Variants in PTPRQ observed in about 807,000 individuals in gnomAD.
PTPRQ encodes the protein protein tyrosine phosphatase receptor type Q.
PTPRQ carries 199 observed loss-of-function variants against 246.0 expected under a neutral mutation model. That is an observed-to-expected ratio of 0.81 (90% CI 0.72 to 0.91). The LOEUF (loss-of-function observed/expected upper bound fraction) is 0.91. PTPRQ is among the 40% of genes least tolerant of loss of function. The probability of loss-of-function intolerance (pLI) is 0.00; values close to 1 mark genes in which losing one functional copy is unlikely to be tolerated. For missense variants in PTPRQ, 2,624 were observed against 2,528.4 expected, an observed-to-expected ratio of 1.04 and a Z score of -0.81; for synonymous variants, 869 against 853.2, an observed-to-expected ratio of 1.02 and a Z score of -0.32.
intron 25 of PTPRQ, among the ~76,000 whole-genome samples, chr12:80,587,779 ATACCTAGGGAAGTACT>A (rs1173064524): frequency 6.6e-6 from 1 of 152,194 alleles, no homozygotes; most frequent in Non-Finnish European, 1.5e-5. Flanking sequence ...AACTCAAACC[ATACCTAGGGAAGTACT>A]TAGGATGATA....
intron 35 of PTPRQ, among the ~76,000 whole-genome samples, chr12:80,647,277 AT>A (rs1900107235): frequency 6.6e-6 from 1 of 152,208 alleles, no homozygotes; most frequent in South Asian, 2.1e-4. Context: ...TATAAAAGTT[AT>A]TTCCACAAAG....
intron 14 of PTPRQ, among the ~76,000 whole-genome samples, chr12:80,504,584 G>A (rs1280470509): frequency 6.6e-6 from 1 of 151,702 alleles, no homozygotes; most frequent in Non-Finnish European, 1.5e-5. Context: ...GATTTTATCA[G>A]TGAGCTCATA....
chr12:80,452,447 T>C (rs564585313), intron 3 of PTPRQ, among the ~76,000 whole-genome samples: 1 of 152,358 alleles, frequency 6.6e-6, no homozygotes, highest in African/African-American at 2.4e-5. Flanking sequence ...GTTGATGCAG[T>C]TTCTTCCTAG....
At chr12:80,521,455 G>C (rs564636521) in intron 17 of PTPRQ, among the ~76,000 whole-genome samples, 78 of 152,228 alleles carry the variant, frequency 5.1e-4, no homozygotes, top group African/African-American at 1.3e-3. Context: ...TGTCCTGAAT[G>C]GTATTGCTTA....
chr12:80,591,454 C>G (rs766729749), intron 26 of PTPRQ, among the ~76,000 whole-genome samples: 5 of 152,006 alleles, frequency 3.3e-5, no homozygotes, highest in African/African-American at 4.8e-5. Flanking sequence ...TAGAATAGTT[C>G]CCAGTACCAG....
chr12:80,478,422 G>A (rs1399637985), intron 8 of PTPRQ, among the ~76,000 whole-genome samples: 1 of 151,958 alleles, frequency 6.6e-6, no homozygotes, highest in Admixed American at 6.6e-5. Flanking sequence ...AAACCACAAA[G>A]ATGGGGAAAA....
At chr12:80,611,627 A>G (rs1448481282) in intron 28 of PTPRQ, among the ~76,000 whole-genome samples, 3 of 150,306 alleles carry the variant, frequency 2.0e-5, no homozygotes, top group African/African-American at 4.9e-5. Flanking sequence ...TTGTTTGTCA[A>G]ATCTTAATGT....
chr12:80,573,696 T>C (rs1302227777), intron 25 of PTPRQ, among the ~76,000 whole-genome samples: 3 of 152,178 alleles, frequency 2.0e-5, no homozygotes, highest in Non-Finnish European at 4.4e-5. Context: ...TAATCTGCAG[T>C]GATATTCCTG....
At chr12:80,552,413 A>G (rs1896502005) in intron 25 of PTPRQ, among the ~76,000 whole-genome samples, 1 of 151,888 alleles carries the variant, frequency 6.6e-6, no homozygotes, top group African/African-American at 2.4e-5. Context: ...CATATCTGAA[A>G]TAAATGAGAG....
chr12:80,626,669 C>T (rs1026693928), intron 33 of PTPRQ, among the ~76,000 whole-genome samples: 8 of 152,140 alleles, frequency 5.3e-5, no homozygotes, highest in Non-Finnish European at 1.2e-4. Context: ...GCAGCGTGAC[C>T]TCAGTCAGTG....
At chr12:80,631,019 T>A (rs780169392) in intron 33 of PTPRQ, among the ~76,000 whole-genome samples, 9 of 152,182 alleles carry the variant, frequency 5.9e-5, no homozygotes, top group Non-Finnish European at 1.0e-4. Context: ...CAGCCCTGTT[T>A]ATTAATTTCT....
At chr12:80,558,060 T>C (rs1195426158) in intron 25 of PTPRQ, among the ~76,000 whole-genome samples, 1 of 151,112 alleles carries the variant, frequency 6.6e-6, no homozygotes, top group Non-Finnish European at 1.5e-5. Flanking sequence ...CCTTCCTCCC[T>C]TCCTTCCCTT....
In PTPRQ at chr12:80,678,740, C is replaced by T. The variant is rs1297570908; in HGVS notation, c.6862+15C>T. ...CGCCATGGAAGGTAAACAGAAACAA[C>T]AGTATATGCCCAGCTTACTAGTTTA... On this transcript the variant is annotated intron_variant, in intron 44 of 44. Coordinates refer to ENST00000644991, the MANE Select transcript of PTPRQ (RefSeq NM_001145026.2). 9 of 1,544,728 alleles carry T rather than the reference C, an allele frequency of 5.8e-6. No individual in the cohort carries two copies. The highest frequency in any genetic ancestry group is 5.5e-5 in the African/African-American group (4 of 72,780).
At chr12:80,560,664 A>G in intron 25 of PTPRQ, among the ~76,000 whole-genome samples, 1 of 152,226 alleles carries the variant, frequency 6.6e-6, no homozygotes, top group East Asian at 1.9e-4. Context: ...TACAACACAG[A>G]TACTCTTACA....
chr12:80,630,248 C>G (rs1415366872), intron 33 of PTPRQ, among the ~76,000 whole-genome samples: 2 of 151,942 alleles, frequency 1.3e-5, no homozygotes, highest in Admixed American at 1.3e-4. Flanking sequence ...TTTCCTTCCC[C>G]CCTATGTCAT....
chr12:80,486,966 T>A (rs1219400371), intron 9 of PTPRQ, among the ~76,000 whole-genome samples: 1 of 152,188 alleles, frequency 6.6e-6, no homozygotes, highest in Non-Finnish European at 1.5e-5. Flanking sequence ...CTTGCACAAT[T>A]AAAAATGAAA....
chr12:80,603,188 A>G (rs1169270514), intron 26 of PTPRQ, among the ~76,000 whole-genome samples: 2 of 151,690 alleles, frequency 1.3e-5, no homozygotes, highest in African/African-American at 4.8e-5. Context: ...TAGTGACTCT[A>G]GGTTTCATCT....
intron 38 of PTPRQ, among the ~76,000 whole-genome samples, chr12:80,653,480 C>G (rs1261507215): frequency 6.6e-6 from 1 of 152,118 alleles, no homozygotes; most frequent in Non-Finnish European, 1.5e-5. Context: ...TTTCAATATT[C>G]TGATTCAATA....
rs372690187 is a variant in PTPRQ at position 80,495,384 on chromosome 12, G to A, written c.1882+13G>A. 8 of 1,271,576 alleles carry A rather than the reference G, an allele frequency of 6.3e-6. No homozygotes were observed. In the East Asian group the frequency reaches 1.8e-4, roughly 29 times the overall value. 78.8% of individuals were successfully genotyped at this position (1,271,576 alleles called of 1,614,324 possible). A position where few individuals can be genotyped will look rare whatever the true frequency, so the allele number is the denominator to read the frequency against. On this transcript the variant is annotated intron_variant, in intron 12 of 44. Coordinates refer to ENST00000644991, the MANE Select transcript of PTPRQ (RefSeq NM_001145026.2). ...TTTCTCATAACAGGTAGAAAACAAT[G>A]TTTTGTTGTTGTTGTTGTTGTTCAT...
Sources: gnomAD v4.1 joint callset for allele counts (sites outside exome capture counted in the v4.1 genomes callset) on GRCh38, gnomAD v4.1.1 for gene constraint, MANE v1.5 for transcripts, NCBI Gene and HGNC (gene_info 2026-07-23, HGNC 2026-07-21) for gene names.